The following AIG1 variants were observed in gnomAD, a reference collection of about 807,000 sequenced individuals.
AIG1 encodes the protein androgen-induced gene 1 protein.
In AIG1, 23 loss-of-function variants were observed where a neutral mutation model predicts 31.4. The observed-to-expected ratio is 0.73, with a 90% CI of 0.53 to 1.04. The LOEUF (loss-of-function observed/expected upper bound fraction) is 1.04. Among genes scored for constraint, AIG1 ranks in the 50% least tolerant of loss-of-function variants. The probability of loss-of-function intolerance (pLI) is 0.00; values close to 1 mark genes in which losing one functional copy is unlikely to be tolerated. For missense variants in AIG1, 274 were observed against 295.0 expected (o/e 0.93, Z 0.52); for synonymous variants, 100 against 110.5 (o/e 0.90, Z 0.60).
chr6:143,154,322 C>T (rs758870030), intron 2 of AIG1, among the ~76,000 whole-genome samples: 13 of 151,906 alleles, frequency 8.6e-5, no homozygotes, highest in African/African-American at 1.2e-4. Context: ...TAAGACTAAA[C>T]GAAGTCAAGC....
intron 3 of AIG1, among the ~76,000 whole-genome samples, chr6:143,210,636 A>G (rs1234250121): frequency 6.6e-6 from 1 of 152,210 alleles, no homozygotes; most frequent in Non-Finnish European, 1.5e-5. Context: ...TACAGGAAGG[A>G]GACTAGTGGG....
intron 4 of AIG1, among the ~76,000 whole-genome samples, chr6:143,308,686 A>G (rs1019655948): frequency 6.6e-6 from 1 of 152,242 alleles, no homozygotes; most frequent in African/African-American, 2.4e-5. Flanking sequence ...CAGTCCTACC[A>G]AAACATCATT....
In AIG1 at chr6:143,261,423, C is replaced by T. The variant is rs543659012; in HGVS notation, c.400-22687C>T. 8.9e-4 allele frequency among the ~76,000 whole-genome samples: 135 copies of T among 152,314 alleles called. 1 individual carries two copies. The highest frequency in any genetic ancestry group is 3.2e-3 in the African/African-American group (134 of 41,572). ...CTGGGATTACAGATGTGAGCCAATG[C>T]GCCTGGCCACTGGTAGCTGTTAGGT... On this transcript the variant is annotated intron_variant, in intron 3 of 5. Transcript: ENST00000357847.
At chr6:143,265,455 A>G (rs550572011) in intron 3 of AIG1, among the ~76,000 whole-genome samples, 48 of 152,210 alleles carry the variant, frequency 3.2e-4, no homozygotes, top group Admixed American at 6.5e-4. Flanking sequence ...GTCACCTGAT[A>G]ATGTCTCAGT....
At chr6:143,171,506 AAT>A (rs1401394407) in intron 3 of AIG1, among the ~76,000 whole-genome samples, 2 of 125,406 alleles carry the variant, frequency 1.6e-5, no homozygotes, top group Non-Finnish European at 3.2e-5. Context: ...ATATATATTT[AAT>A]ATATATAATA....
At chr6:143,343,764 G>T (rs1466319486), downstream of AIG1, among the ~76,000 whole-genome samples, 1 of 152,062 alleles carries the variant, frequency 6.6e-6, no homozygotes, top group East Asian at 1.9e-4. Flanking sequence ...AAATGTACAG[G>T]TTTGTTATAT....
At chr6:143,191,197 A>G (rs1029733719) in intron 3 of AIG1, among the ~76,000 whole-genome samples, 7 of 152,178 alleles carry the variant, frequency 4.6e-5, no homozygotes, top group African/African-American at 1.4e-4. Context: ...ACTTAACTCT[A>G]ATGGGTTAGT....
intron 3 of AIG1, among the ~76,000 whole-genome samples, chr6:143,261,042 A>G (rs1795738814): frequency 6.6e-6 from 1 of 152,220 alleles, no homozygotes; most frequent in South Asian, 2.1e-4. Flanking sequence ...CAAACCCACA[A>G]GCAAACAGCC....
Position 143,136,958 on chromosome 6 carries a change from A to C in AIG1, c.265A>C (p.Met89Leu), listed in dbSNP as rs1213012948. The stretch of plus-strand genomic sequence containing the variant: ...GAAGCTCATCTCTCTCCGGGACTGG[A>C]TGTTAGCTGTGTTGGCCTTTCCTGT... ...LKKLISLRDWMLAVLAFPVGV... is the reference protein window; with the variant it reads ...LKKLISLRDWLLAVLAFPVGV... Residue 89 changes from methionine to leucine, a missense_variant, in exon 2 of 6, where the codon ATG becomes CTG. Met to Leu is a conservative substitution (Grantham distance 15, BLOSUM62 2). Transcript: ENST00000357847. 2 of 1,494,182 alleles carry C rather than the reference A, an allele frequency of 1.3e-6. No homozygotes were observed. Among genetic ancestry groups the C allele is most frequent in the East Asian group, 2.5e-5 (1 of 40,490 alleles). The allele number at this position is 1,494,182 out of a possible 1,614,324, so 92.6% of individuals were successfully genotyped here.
At chr6:143,221,468 T>C (rs1260299094) in intron 3 of AIG1, among the ~76,000 whole-genome samples, 1 of 152,130 alleles carries the variant, frequency 6.6e-6, no homozygotes, top group East Asian at 1.9e-4. Context: ...GGGGATCTTG[T>C]ATGGCTCATA....
chr6:143,115,054 A>T (rs1781623526), intron 1 of AIG1, among the ~76,000 whole-genome samples: 1 of 152,246 alleles, frequency 6.6e-6, no homozygotes, highest in Non-Finnish European at 1.5e-5. Context: ...ATTCAAAACC[A>T]TGATGTCTCA....
rs1260904897 is a variant in AIG1 at position 143,280,843 on chromosome 6, A to G, written c.400-3267A>G. On this transcript the variant is annotated intron_variant, in intron 3 of 5. Coordinates refer to ENST00000357847, the MANE Select transcript of AIG1 (RefSeq NM_016108.4). This position sits in a 1 kb window ranked among gnomAD's most constrained non-coding sequence, Gnocchi z 4.1. The stretch of plus-strand genomic sequence containing the variant: ...CATGACGTGTGTTTACCTATGTAAC[A>G]AACCTTCACGTGTATCCCCAAATCT... 6.6e-6 allele frequency among the ~76,000 whole-genome samples: 1 copy of G among 152,250 alleles called. No homozygotes were observed. The highest frequency in any genetic ancestry group is 1.5e-5 in the Non-Finnish European group (1 of 68,046).
chr6:143,200,750 T>A (rs994757574), intron 3 of AIG1, among the ~76,000 whole-genome samples: 4 of 152,182 alleles, frequency 2.6e-5, no homozygotes, highest in African/African-American at 7.2e-5. Context: ...TCCGTTTCTT[T>A]GTAGGCTCCT....
At chr6:143,296,511 G>T (rs902577559) in intron 4 of AIG1, among the ~76,000 whole-genome samples, 8 of 152,136 alleles carry the variant, frequency 5.3e-5, no homozygotes, top group African/African-American at 1.9e-4. Flanking sequence ...CCCCTATCCT[G>T]CCCAGTCCCA....
intron 3 of AIG1, 79 bp downstream of exon 3, chr6:143,165,262 C>T (rs1338186015): frequency 1.7e-6 from 2 of 1,160,856 alleles, no homozygotes; most frequent in African/African-American, 3.1e-5. Context: ...TTAGACCTTC[C>T]ATAGAATTTG....
At chr6:143,212,990 C>T (rs1260832763) in intron 3 of AIG1, among the ~76,000 whole-genome samples, 2 of 152,164 alleles carry the variant, frequency 1.3e-5, no homozygotes, top group Non-Finnish European at 2.9e-5. Context: ...AACCACAATG[C>T]AGACATCTCT....
chr6:143,186,452 C>T (rs1789267004), intron 3 of AIG1, among the ~76,000 whole-genome samples: 1 of 152,186 alleles, frequency 6.6e-6, no homozygotes, highest in African/African-American at 2.4e-5. Context: ...CCCCTTTACG[C>T]AACCCATTTC....
chr6:143,319,321 C>T (rs540417019), intron 4 of AIG1, among the ~76,000 whole-genome samples: 82 of 152,212 alleles, frequency 5.4e-4, no homozygotes, highest in Non-Finnish European at 8.7e-4. Context: ...TAATGGCATT[C>T]GCAGCAACTT....
intron 4 of AIG1, among the ~76,000 whole-genome samples, chr6:143,324,074 C>G (rs749677679): frequency 6.6e-6 from 1 of 152,168 alleles, no homozygotes; most frequent in Non-Finnish European, 1.5e-5. Context: ...GGGTGAGAAG[C>G]TGATGCACAT....
Sources: gnomAD v4.1 joint callset for allele counts (sites outside exome capture counted in the v4.1 genomes callset) on GRCh38, gnomAD v4.1.1 for gene constraint, Gnocchi (gnomAD v3.1) non-coding constraint, MANE v1.5 for transcripts, NCBI Gene and HGNC (gene_info 2026-07-23, HGNC 2026-07-21) for gene names.